CCBE1: variants seen among roughly 807,000 people sequenced by gnomAD.
CCBE1 encodes the protein collagen and calcium-binding EGF domain-containing protein 1.
Under a neutral mutation model 50.0 loss-of-function variants are expected in CCBE1, and 37 were observed. That is an observed-to-expected ratio of 0.74 (90% confidence interval 0.57 to 0.97). CCBE1 has a LOEUF of 0.97. CCBE1 is among the 50% of genes least tolerant of loss of function. The pLI, the probability that CCBE1 is intolerant of heterozygous loss-of-function variation, is 0.00. For synonymous variants in CCBE1, 234 were observed against 203.7 expected, an observed-to-expected ratio of 1.15 and a Z score of -1.27; for missense variants, 538 against 523.8, an observed-to-expected ratio of 1.03 and a Z score of -0.26.
intron 2 of CCBE1, among the ~76,000 whole-genome samples, chr18:59,642,741 A>G (rs922534540): frequency 9.9e-5 from 15 of 152,002 alleles, no homozygotes; most frequent in Non-Finnish European, 1.6e-4. Flanking sequence ...TGAGGTCAAG[A>G]GTTCGAGAGC....
chr18:59,532,288 G>A (rs1355149311), intron 2 of CCBE1, among the ~76,000 whole-genome samples: 1 of 152,136 alleles, frequency 6.6e-6, no homozygotes, highest in African/African-American at 2.4e-5. Context: ...TAGGTGATCT[G>A]CCTGTCTCAG....
chr18:59,667,704 G>A (rs1166944702), intron 2 of CCBE1, among the ~76,000 whole-genome samples: 1 of 152,176 alleles, frequency 6.6e-6, no homozygotes, highest in Non-Finnish European at 1.5e-5. Context: ...GTACCCAACA[G>A]AAAGCCAGAT....
chr18:59,531,185 T>A (rs11663631), intron 2 of CCBE1, among the ~76,000 whole-genome samples: 1,785 of 152,244 alleles, frequency 0.012, 13 homozygotes, highest in Middle Eastern at 0.017. Flanking sequence ...AATCAGCTTG[T>A]TGGCCATGCG....
chr18:59,696,583 GC>G, intron 2 of CCBE1, 45 bp downstream of exon 2: 2 of 1,611,086 alleles, frequency 1.2e-6, no homozygotes, highest in Non-Finnish European at 8.5e-7. Flanking sequence ...TCCCCAGCCA[GC>G]CCCGGTGCGC....
chr18:59,484,003 A>G (rs1912698633), intron 2 of CCBE1, among the ~76,000 whole-genome samples: 1 of 152,198 alleles, frequency 6.6e-6, no homozygotes, highest in South Asian at 2.1e-4. Flanking sequence ...CTCTCAAACT[A>G]AATTATAATT....
intron 3 of CCBE1, among the ~76,000 whole-genome samples, chr18:59,471,914 C>A (rs184100680): frequency 1.3e-5 from 2 of 152,366 alleles, no homozygotes; most frequent in African/African-American, 4.8e-5. Context: ...GTGGCATGTG[C>A]CACCTCCGGA....
At chr18:59,605,424 G>C (rs1289151462) in intron 2 of CCBE1, among the ~76,000 whole-genome samples, 1 of 152,206 alleles carries the variant, frequency 6.6e-6, no homozygotes, top group Admixed American at 6.5e-5. Context: ...ACAGAATAAA[G>C]GGGGCATCTC....
chr18:59,605,811 G>T (rs2053490118), intron 2 of CCBE1, among the ~76,000 whole-genome samples: 2 of 152,144 alleles, frequency 1.3e-5, no homozygotes, highest in South Asian at 4.1e-4. Context: ...AAACGTTCCA[G>T]AGCCAAGTGG....
chr18:59,551,992 G>A (rs934521291), intron 2 of CCBE1, among the ~76,000 whole-genome samples: 7 of 151,948 alleles, frequency 4.6e-5, no homozygotes, highest in East Asian at 1.9e-4. Flanking sequence ...GGCAACGCAC[G>A]CCTTGGCCAC....
At chr18:59,634,737 A>T (rs962895310) in intron 2 of CCBE1, among the ~76,000 whole-genome samples, 2 of 152,254 alleles carry the variant, frequency 1.3e-5, no homozygotes, top group Non-Finnish European at 2.9e-5. Context: ...GAGTTAAATG[A>T]CCAGGGAGAT....
rs643602 is a variant in CCBE1, at chr18:59,469,763, G to A, written c.266-156C>T. On this transcript the variant is annotated intron_variant, in intron 3 of 10. Transcript: ENST00000439986. ...AGGGACAGGAACTCTTTAGGGCTGT[G>A]GGTCACCTTCTAAGAGTACTGCAAT... Among the ~76,000 whole-genome samples, 65,628 of 151,986 alleles carry A rather than the reference G, an allele frequency of 0.43. 14,301 individuals carry two copies. Among genetic ancestry groups the A allele is most frequent in the South Asian group, 0.51 (2,453 of 4,818 alleles).
chr18:59,528,086 C>G (rs999022535), intron 2 of CCBE1, among the ~76,000 whole-genome samples: 1 of 152,180 alleles, frequency 6.6e-6, no homozygotes, highest in Non-Finnish European at 1.5e-5. Context: ...CAACTTGGCT[C>G]TGTTCTCCCC....
intron 9 of CCBE1, 83 bp downstream of exon 9, chr18:59,439,460 A>G (rs1185685057): frequency 4.6e-6 from 7 of 1,526,910 alleles, no homozygotes; most frequent in Non-Finnish European, 6.4e-6. Context: ...GAGCAAGACC[A>G]TCTCAAAAAA....
At chr18:59,548,138 C>T (rs573863525) in intron 2 of CCBE1, among the ~76,000 whole-genome samples, 17 of 152,290 alleles carry the variant, frequency 1.1e-4, no homozygotes, top group South Asian at 6.2e-4. Context: ...AAGACAGTCT[C>T]GTCTTATGAG....
At chr18:59,475,072 C>T (rs1160618791) in intron 3 of CCBE1, among the ~76,000 whole-genome samples, 2 of 152,174 alleles carry the variant, frequency 1.3e-5, no homozygotes, top group Admixed American at 1.3e-4. Context: ...TTTATTCAGT[C>T]CTCCATTTTT....
At chr18:59,683,859 A>G (rs1181906387) in intron 2 of CCBE1, among the ~76,000 whole-genome samples, 3 of 151,988 alleles carry the variant, frequency 2.0e-5, no homozygotes, top group Admixed American at 2.0e-4. Flanking sequence ...GTCAGTACAC[A>G]TGAGCTCCCA....
intron 2 of CCBE1, among the ~76,000 whole-genome samples, chr18:59,641,257 CCATAG>C (rs2053985519): frequency 6.6e-6 from 1 of 152,046 alleles, no homozygotes; most frequent in African/African-American, 2.4e-5. Flanking sequence ...GGTATACACA[CCATAG>C]AATACTACAT....
chr18:59,486,152 A>G (rs1303513217), intron 2 of CCBE1, among the ~76,000 whole-genome samples: 4 of 152,196 alleles, frequency 2.6e-5, no homozygotes, highest in Non-Finnish European at 5.9e-5. Context: ...ATGAATAAAT[A>G]GTATCTGCCT....
At chr18:59,454,798 G>T in intron 6 of CCBE1, 53 bp downstream of exon 6, 1 of 1,447,650 alleles carries the variant, frequency 6.9e-7, no homozygotes. Context: ...ACCTGGCCTT[G>T]GCCAAGCCCT....
Sources: allele counts gnomAD v4.1 joint callset (sites outside exome capture counted in the v4.1 genomes callset), GRCh38; gene constraint gnomAD v4.1.1; transcripts MANE v1.5; gene names NCBI Gene and HGNC (gene_info 2026-07-23, HGNC 2026-07-21).